SLC44A5: variants seen among roughly 807,000 people sequenced by gnomAD.
SLC44A5 encodes choline transporter-like protein 5.
SLC44A5 carries 57 observed loss-of-function variants against 101.8 expected under a neutral mutation model. That is an observed-to-expected ratio of 0.56 (90% confidence interval 0.45 to 0.70). SLC44A5 has a LOEUF of 0.70. Ranked by LOEUF, SLC44A5 falls within the 30% of genes least tolerant of loss-of-function variation. The pLI is 0.00. For missense variants in SLC44A5, 737 were observed against 853.1 expected (o/e 0.86, Z 1.70); for synonymous variants, 281 against 290.9 (o/e 0.97, Z 0.35).
At chr1:75,391,525 T>C (rs1661788278) in intron 3 of SLC44A5, among the ~76,000 whole-genome samples, 1 of 152,020 alleles carries the variant, frequency 6.6e-6, no homozygotes, top group African/African-American at 2.4e-5. Context: ...AAAACAGACG[T>C]ATAGACCCAT....
chr1:75,417,230 C>T (rs1778454), intron 2 of SLC44A5, among the ~76,000 whole-genome samples: 38,117 of 152,022 alleles, frequency 0.25, 5,065 homozygotes, highest in African/African-American at 0.33. Context: ...GTAAATGGGA[C>T]TCACGAGATC....
chr1:75,309,901 C>T (rs1266455373), intron 4 of SLC44A5, among the ~76,000 whole-genome samples: 2 of 152,056 alleles, frequency 1.3e-5, no homozygotes, highest in Non-Finnish European at 2.9e-5. Flanking sequence ...TGGTTAGAGC[C>T]CAAAGTAGTA....
chr1:75,620,822 C>A, the SLC44A5 span, among the ~76,000 whole-genome samples: 2 of 152,270 alleles, frequency 1.3e-5, no homozygotes, highest in East Asian at 3.9e-4. Context: ...TGTGCAGAAG[C>A]CCTTTAGTTT....
intron 3 of SLC44A5, among the ~76,000 whole-genome samples, chr1:75,390,226 T>C (rs1241970569): frequency 6.6e-6 from 1 of 151,910 alleles, no homozygotes; most frequent in African/African-American, 2.4e-5. Flanking sequence ...TTCTACCAGG[T>C]GTATAAAGAA....
the SLC44A5 span, among the ~76,000 whole-genome samples, chr1:75,657,452 G>A: frequency 6.6e-6 from 1 of 151,936 alleles, no homozygotes; most frequent in South Asian, 2.1e-4. Context: ...GGTAGGCTGA[G>A]GTGGGAGAAT....
chr1:75,218,737 C>A lies in SLC44A5; in HGVS notation c.1282G>T (p.Glu428Ter). 6.2e-7 allele frequency: 1 copy of A among 1,610,958 alleles called. No individual in the cohort carries two copies. The highest frequency in any genetic ancestry group is 8.5e-7 in the Non-Finnish European group (1 of 1,178,776). The change falls in exon 17 of 24, where the codon GAA becomes TAA. Residue 428 changes from glutamate to a stop codon, truncating the protein, a stop_gained. Coordinates refer to ENST00000370859, the MANE Select transcript of SLC44A5 (RefSeq NM_001130058.2). LOFTEE classifies it high-confidence loss of function. The part of the protein sequence containing the change: ...TCDPEIFNTT[E>*]IAKACPGALC... ...GCCCCAGGGCAAGCTTTGGCAATTT[C>A]AGTTGTATTAAAAATCTGCATTGAG...
At chr1:75,549,295 A>G (rs985415990) in intron 1 of SLC44A5, among the ~76,000 whole-genome samples, 2 of 152,112 alleles carry the variant, frequency 1.3e-5, no homozygotes, top group African/African-American at 4.8e-5. Context: ...TGTTCTTACC[A>G]AGCTCTGCTT....
chr1:75,532,873 C>T (rs1670799718), intron 2 of SLC44A5, among the ~76,000 whole-genome samples: 1 of 152,104 alleles, frequency 6.6e-6, no homozygotes, highest in African/African-American at 2.4e-5. Context: ...AAACCCATCT[C>T]TACCAAAAAT....
the SLC44A5 span, among the ~76,000 whole-genome samples, chr1:75,718,249 C>T: frequency 1.3e-5 from 2 of 152,124 alleles, no homozygotes; most frequent in Non-Finnish European, 2.9e-5. Flanking sequence ...ATTAACTGGA[C>T]ATGCTAAATG....
At chr1:75,493,858 T>C (rs944575285) in intron 2 of SLC44A5, among the ~76,000 whole-genome samples, 1 of 152,172 alleles carries the variant, frequency 6.6e-6, no homozygotes, top group Non-Finnish European at 1.5e-5. Flanking sequence ...TATAGACTCC[T>C]GTACACAAAG....
intron 2 of SLC44A5, among the ~76,000 whole-genome samples, chr1:75,465,803 AC>A (rs1666781364): frequency 6.6e-6 from 1 of 152,192 alleles, no homozygotes; most frequent in Non-Finnish European, 1.5e-5. Context: ...ACTCCTAGAC[AC>A]ATGCAAACTA....
At chr1:75,619,005 G>A in the SLC44A5 span, among the ~76,000 whole-genome samples, 1 of 148,840 alleles carries the variant, frequency 6.7e-6, no homozygotes, top group Non-Finnish European at 1.5e-5. Context: ...GGGATGTGGA[G>A]GTTGCAGTGA....
At chr1:75,598,693 G>C (rs1674795127) in intron 1 of SLC44A5, among the ~76,000 whole-genome samples, 1 of 152,132 alleles carries the variant, frequency 6.6e-6, no homozygotes, top group Non-Finnish European at 1.5e-5. Context: ...CAAATACTGA[G>C]TGTTCTCACT....
intron 1 of SLC44A5, among the ~76,000 whole-genome samples, chr1:75,603,753 G>GTTTTTTTTTTTTTTTTTTTTTTTCTTTTT (rs57844833): frequency 1.8e-5 from 1 of 54,086 alleles, no homozygotes; most frequent in Non-Finnish European, 3.1e-5. Context: ...ATTTTTTCAT[G>GTTTTTTTTTTTTTTTTTTTTTTTCTTTTT]TTTTTTTTTT....
At chr1:75,557,301 A>G (rs1672271414) in intron 1 of SLC44A5, among the ~76,000 whole-genome samples, 1 of 152,142 alleles carries the variant, frequency 6.6e-6, no homozygotes, top group Non-Finnish European at 1.5e-5. Flanking sequence ...GATTTGACAC[A>G]GTGTAAGTGC....
chr1:75,248,116 T>C (rs1366621433), intron 7 of SLC44A5, among the ~76,000 whole-genome samples: 2 of 151,954 alleles, frequency 1.3e-5, no homozygotes, highest in South Asian at 2.1e-4. Flanking sequence ...TGTAAGATGG[T>C]AATAAGTGGT....
chr1:75,214,730 A>T, intron 19 of SLC44A5, 52 bp from the exon 20 acceptor site: 1 of 1,428,044 alleles, frequency 7.0e-7, no homozygotes, highest in Non-Finnish European at 9.7e-7. Context: ...CTCTAACAAG[A>T]TCAAAAGACA....
intron 4 of SLC44A5, among the ~76,000 whole-genome samples, chr1:75,302,371 T>C (rs1654557943): frequency 6.6e-6 from 1 of 152,098 alleles, no homozygotes; most frequent in Non-Finnish European, 1.5e-5. Flanking sequence ...TGTGTAATCA[T>C]AACTACCAGG....
At chr1:75,319,620 C>T (rs1655985343) in intron 4 of SLC44A5, among the ~76,000 whole-genome samples, 2 of 152,154 alleles carry the variant, frequency 1.3e-5, no homozygotes, top group Non-Finnish European at 2.9e-5. Flanking sequence ...CCACAAGAGG[C>T]AAGACTATGA....
Sources: gnomAD v4.1 joint callset for allele counts (sites outside exome capture counted in the v4.1 genomes callset) on GRCh38, gnomAD v4.1.1 for gene constraint, MANE v1.5 for transcripts, NCBI Gene and HGNC (gene_info 2026-07-23, HGNC 2026-07-21) for gene names.